Variants in RBMS3 observed in about 807,000 individuals in gnomAD.
The protein encoded by RBMS3 is RNA binding motif single stranded interacting protein 3.
In RBMS3, 27 loss-of-function variants were observed where a neutral mutation model predicts 66.8. The observed-to-expected ratio is 0.40, with a 90% CI of 0.30 to 0.56. The LOEUF (loss-of-function observed/expected upper bound fraction) is 0.56, where lower values mean the gene tolerates loss of function less well. Among genes scored for constraint, RBMS3 ranks in the 20% least tolerant of loss-of-function variants. The pLI, the probability that RBMS3 is intolerant of heterozygous loss-of-function variation, is 0.40. For missense variants in RBMS3, 513 were observed against 549.5 expected (o/e 0.93, Z 0.66); for synonymous variants, 188 against 183.0 (o/e 1.03, Z -0.22).
At chr3:29,563,168 T>C (rs1056840195) in intron 3 of RBMS3, among the ~76,000 whole-genome samples, 1 of 152,188 alleles carries the variant, frequency 6.6e-6, no homozygotes, top group Non-Finnish European at 1.5e-5. Flanking sequence ...ATAATCTTTC[T>C]TCTATCCCAT....
At chr3:29,966,903 G>C (rs778356640) in intron 12 of RBMS3, among the ~76,000 whole-genome samples, 5 of 152,276 alleles carry the variant, frequency 3.3e-5, no homozygotes, top group South Asian at 2.1e-4. Flanking sequence ...AATCATAAAG[G>C]GATGCTGGAT....
intron 4 of RBMS3, among the ~76,000 whole-genome samples, chr3:29,668,919 G>T (rs2050878040): frequency 6.6e-6 from 1 of 152,222 alleles, no homozygotes; most frequent in Non-Finnish European, 1.5e-5. Context: ...TTAGATCCCT[G>T]CCTGTAGTGG....
chr3:29,717,576 A>G (rs115531108), intron 4 of RBMS3, among the ~76,000 whole-genome samples: 1,618 of 152,186 alleles, frequency 0.011, 32 homozygotes, highest in African/African-American at 0.036. Context: ...TTTAAACCAG[A>G]GCTACTAGAT....
At chr3:29,532,884 A>G (rs141336975) in intron 3 of RBMS3, among the ~76,000 whole-genome samples, 51 of 152,300 alleles carry the variant, frequency 3.3e-4, no homozygotes, top group African/African-American at 1.2e-3. Context: ...AAATCAGAAA[A>G]GCATGGCTCC....
At chr3:29,989,336 C>G (rs1698665149) in intron 13 of RBMS3, among the ~76,000 whole-genome samples, 1 of 152,062 alleles carries the variant, frequency 6.6e-6, no homozygotes, top group Non-Finnish European at 1.5e-5. Context: ...ACTTAGGTAC[C>G]TATATTCTTC....
chr3:29,844,423 G>C (rs1246312200), intron 6 of RBMS3, among the ~76,000 whole-genome samples: 1 of 152,174 alleles, frequency 6.6e-6, no homozygotes, highest in Non-Finnish European at 1.5e-5. Flanking sequence ...AGGTTTGTTA[G>C]AGAACACAGA....
intron 10 of RBMS3, among the ~76,000 whole-genome samples, chr3:29,907,259 T>C (rs1220189207): frequency 1.3e-5 from 2 of 152,152 alleles, no homozygotes; most frequent in Non-Finnish European, 2.9e-5. Context: ...ATTCCCTCAT[T>C]GTTTTCAATC....
At chr3:29,365,920 C>T (rs2037875093) in intron 1 of RBMS3, among the ~76,000 whole-genome samples, 1 of 152,166 alleles carries the variant, frequency 6.6e-6, no homozygotes, top group African/African-American at 2.4e-5. Context: ...GGCAGGTTCT[C>T]ACCAGTTTAC....
intron 1 of RBMS3, among the ~76,000 whole-genome samples, chr3:29,295,330 C>CTATATAT (rs1575486649): frequency 7.1e-6 from 1 of 140,096 alleles, no homozygotes; most frequent in East Asian, 2.0e-4. Flanking sequence ...TATATATACA[C>CTATATAT]ACACATATAT....
chr3:29,826,859 A>G (rs1189282432), intron 6 of RBMS3, among the ~76,000 whole-genome samples: 1 of 152,178 alleles, frequency 6.6e-6, no homozygotes, highest in Non-Finnish European at 1.5e-5. Context: ...AGAAATAGTC[A>G]CAAGAATTAG....
chr3:29,503,666 A>G (rs1253752519), intron 3 of RBMS3, among the ~76,000 whole-genome samples: 2 of 152,080 alleles, frequency 1.3e-5, no homozygotes, highest in African/African-American at 4.8e-5. Flanking sequence ...TAGGATTTTT[A>G]TAGGAAGCAG....
intron 1 of RBMS3, among the ~76,000 whole-genome samples, chr3:29,358,831 G>A (rs903332905): frequency 1.3e-5 from 2 of 152,184 alleles, no homozygotes; most frequent in African/African-American, 4.8e-5. Flanking sequence ...GTTCACTCAT[G>A]ATTTGGTTCT....
At chr3:29,988,376 T>C (rs1285427377) in intron 13 of RBMS3, among the ~76,000 whole-genome samples, 153 bp downstream of exon 13, 1 of 152,202 alleles carries the variant, frequency 6.6e-6, no homozygotes, top group Non-Finnish European at 1.5e-5. Context: ...GTATAAACAT[T>C]TACTTGAATG....
chr3:29,475,079 G>A (rs1386825465), intron 2 of RBMS3, among the ~76,000 whole-genome samples: 4 of 152,112 alleles, frequency 2.6e-5, no homozygotes, highest in Non-Finnish European at 4.4e-5. Flanking sequence ...CAACCCAGCT[G>A]AGCAAAGTGA....
chr3:29,360,756 G>T (rs1329209693), intron 1 of RBMS3, among the ~76,000 whole-genome samples: 1 of 152,024 alleles, frequency 6.6e-6, no homozygotes, highest in Non-Finnish European at 1.5e-5. Flanking sequence ...ATATATTTAG[G>T]ATAGTTAGCT....
intron 2 of RBMS3, among the ~76,000 whole-genome samples, chr3:29,453,516 C>A (rs2042079419): frequency 6.6e-6 from 1 of 152,140 alleles, no homozygotes; most frequent in African/African-American, 2.4e-5. Context: ...GTTGCCAGAT[C>A]CCCCAACCCA....
chr3:29,744,390 A>G (rs2054780048), intron 5 of RBMS3, among the ~76,000 whole-genome samples: 1 of 152,212 alleles, frequency 6.6e-6, no homozygotes, highest in Non-Finnish European at 1.5e-5. Context: ...GAGATAGAGT[A>G]CTGGAATATT....
chr3:29,468,320 T>C (rs1019700030), intron 2 of RBMS3, among the ~76,000 whole-genome samples: 7 of 152,192 alleles, frequency 4.6e-5, no homozygotes, highest in African/African-American at 1.7e-4. Flanking sequence ...CCCAGAAGGC[T>C]TGCGGTTTGA....
At chr3:29,464,885 A>G (rs2042486158) in intron 2 of RBMS3, among the ~76,000 whole-genome samples, 1 of 152,168 alleles carries the variant, frequency 6.6e-6, no homozygotes, top group African/African-American at 2.4e-5. Context: ...ACTCTGTATC[A>G]ATAACAGAAT....
Sources: gnomAD v4.1 joint callset for allele counts (sites outside exome capture counted in the v4.1 genomes callset) on GRCh38, gnomAD v4.1.1 for gene constraint, MANE v1.5 for transcripts, NCBI Gene and HGNC (gene_info 2026-07-23, HGNC 2026-07-21) for gene names.